Variants in CERKL observed in about 807,000 individuals in gnomAD.
CERKL encodes CERK like autophagy regulator.
CERKL carries 61 observed loss-of-function variants against 63.4 expected under a neutral mutation model. That is an observed-to-expected ratio of 0.96 (90% CI 0.78 to 1.19). CERKL has a LOEUF of 1.19. CERKL is among the 50% of genes most tolerant of loss of function. The pLI is 0.00. For synonymous variants in CERKL, 250 were observed against 230.5 expected (o/e 1.08, Z -0.77); for missense variants, 675 against 655.5 (o/e 1.03, Z -0.33).
chr2:181,652,171 CA>C (rs56712055), intron 1 of CERKL, among the ~76,000 whole-genome samples: 38,339 of 151,668 alleles, frequency 0.25, 6,872 homozygotes, highest in African/African-American at 0.51. Flanking sequence ...TGCAGAACCA[CA>C]AAAAAAACCC....
intron 1 of CERKL, among the ~76,000 whole-genome samples, chr2:181,616,248 C>CT (rs1381503415): frequency 2.4e-5 from 3 of 126,238 alleles, no homozygotes; most frequent in Non-Finnish European, 4.7e-5. Context: ...GAGTCTCACT[C>CT]TGTCACCCAG....
chr2:181,552,132 G>A (rs931923961), intron 5 of CERKL, among the ~76,000 whole-genome samples: 1 of 152,112 alleles, frequency 6.6e-6, no homozygotes, highest in African/African-American at 2.4e-5. Context: ...GTAAAATAGT[G>A]GTTACTGGGG....
intron 12 of CERKL, 29 bp from the exon 13 acceptor site, chr2:181,538,273 C>T: frequency 7.1e-7 from 1 of 1,416,112 alleles, no homozygotes; most frequent in African/African-American, 1.4e-5. Context: ...ATTTCATCAA[C>T]TTATTTTGTT....
chr2:181,638,314 G>A lies in CERKL; in HGVS notation c.238+18455C>T, dbSNP rs140315138. ...AAAGGAACCAGGACCCTCTGATGAT[G>A]AGCTTGATTCCATATCTCAAGCATG... On this transcript the variant is annotated intron_variant, in intron 1 of 12. Coordinates refer to ENST00000410087, the MANE Select transcript of CERKL (RefSeq NM_201548.5). Among the ~76,000 whole-genome samples, 21 of 152,164 alleles carry A rather than the reference G, an allele frequency of 1.4e-4. No individual in the cohort carries two copies. In the South Asian group the frequency reaches 2.3e-3, roughly 17 times the overall value.
At chr2:181,549,506 C>CA (rs1223930907) in intron 6 of CERKL, 128 bp downstream of exon 6, 1 of 745,368 alleles carries the variant, frequency 1.3e-6, no homozygotes, top group East Asian at 2.6e-5. Context: ...GTTTTTTAGT[C>CA]AAACATTTCT....
rs1355841594 is a variant in CERKL at position 181,619,097 on chromosome 2, C to T, written c.239-15018G>A. Among the ~76,000 whole-genome samples, 3 of 105,154 alleles carry T rather than the reference C, an allele frequency of 2.9e-5. No homozygotes were observed. In the East Asian group the frequency reaches 7.5e-4, roughly 26 times the overall value. 69.0% of individuals were successfully genotyped at this position (105,154 alleles called of 152,430 possible). A position where few individuals can be genotyped will look rare whatever the true frequency, so the allele number is the denominator to read the frequency against. On this transcript the variant is annotated intron_variant, in intron 1 of 12. Transcript: ENST00000410087. ...CAAGTTCATCATGCAATGTGATTGG[C>T]TTTCATCATTTTCATTCATTTCAAG...
At position 181,573,849 on chromosome 2, in the gene CERKL, G is replaced by A. The variant is rs766773742; in HGVS notation, c.517C>T (p.Leu173Phe). Residue 173 changes from leucine to phenylalanine, a missense_variant, in exon 3 of 13, where the codon CTT becomes TTT. Coordinates refer to ENST00000410087, the MANE Select transcript of CERKL (RefSeq NM_201548.5). Reference sequence around the variant, plus strand: ...TCTTTTTTGTGACTTTGGGGGTTAAGGAGTATTTTTAATGACTTCGGTCTG... The same window carrying A: ...TCTTTTTTGTGACTTTGGGGGTTAAAGAGTATTTTTAATGACTTCGGTCTG... Reference protein sequence around the residue: ...PNRPKSLKILLNPQSHKKEAT... With the variant: ...PNRPKSLKILFNPQSHKKEAT... The A allele has an allele frequency of 6.2e-7, 1 of 1,612,768 alleles. No individual in the cohort carries two copies. The highest frequency in any genetic ancestry group is 8.5e-7 in the Non-Finnish European group (1 of 1,179,308).
At chr2:181,630,178 G>A (rs1190599400) in intron 1 of CERKL, among the ~76,000 whole-genome samples, 3 of 152,020 alleles carry the variant, frequency 2.0e-5, no homozygotes, top group East Asian at 1.9e-4. Context: ...GGTGGGACTA[G>A]AGGTGAACGC....
chr2:181,569,920 T>C (rs1688832243), intron 3 of CERKL, among the ~76,000 whole-genome samples: 1 of 152,180 alleles, frequency 6.6e-6, no homozygotes, highest in African/African-American at 2.4e-5. Context: ...AGTTTATGCC[T>C]AGCACAAAGG....
At position 181,586,933 on chromosome 2, in the gene CERKL, A is replaced by G. The variant is rs116102787; in HGVS notation, c.482-13049T>C. Reference sequence around the variant, plus strand: ...TTGTGTATATTCACCACTATTTTACACAGAAAAGCAACCAAGTTGTTGCAA... The same window carrying G: ...TTGTGTATATTCACCACTATTTTACGCAGAAAAGCAACCAAGTTGTTGCAA... On this transcript the variant is annotated intron_variant, in intron 2 of 12. Transcript: ENST00000410087. Among the ~76,000 whole-genome samples the G allele has an allele frequency of 8.1e-3, 1,240 of 152,302 alleles. 20 individuals carry two copies. The highest frequency in any genetic ancestry group is 0.029 in the African/African-American group (1,197 of 41,574).
intron 11 of CERKL, among the ~76,000 whole-genome samples, chr2:181,540,307 AG>A (rs1687441892): frequency 1.3e-5 from 2 of 152,212 alleles, no homozygotes; most frequent in African/African-American, 4.8e-5. Context: ...TCATCCTTGT[AG>A]AATTATCTAC....
chr2:181,632,259 A>C (rs1249112558), intron 1 of CERKL, among the ~76,000 whole-genome samples: 1 of 152,122 alleles, frequency 6.6e-6, no homozygotes. Context: ...TTTTTTTCTC[A>C]TATAGAGGGA....
chr2:181,642,916 A>C (rs1687507678), intron 1 of CERKL, among the ~76,000 whole-genome samples: 1 of 152,142 alleles, frequency 6.6e-6, no homozygotes, highest in African/African-American at 2.4e-5. Context: ...CCTCCAGAAA[A>C]TGGTTTCTTC....
Position 181,558,829 on chromosome 2 carries a change from T to C in CERKL, c.678-121A>G, listed in dbSNP as rs1688317846. On this transcript the variant is annotated intron_variant, in intron 4 of 12. Coordinates refer to ENST00000410087, the MANE Select transcript of CERKL (RefSeq NM_201548.5). The surrounding 1 kb of genome is among the most constrained non-coding windows in gnomAD (Gnocchi z 4.2). ...GTCTATGTGCATAACTGCTCACATG[T>C]ACCTTTAAACATGTTAATATGTGTC... 6.3e-6 allele frequency: 6 copies of C among 947,762 alleles called. No individual in the cohort carries two copies. The South Asian group carries it at 8.3e-5, about 13-fold the overall frequency. The allele number at this position is 947,762 out of a possible 1,614,324, so 58.7% of individuals were successfully genotyped here. A position where few individuals can be genotyped will look rare whatever the true frequency, so the allele number is the denominator to read the frequency against.
At chr2:181,562,203 GA>G (rs1490392776) in intron 4 of CERKL, among the ~76,000 whole-genome samples, 1 of 152,056 alleles carries the variant, frequency 6.6e-6, no homozygotes, top group Non-Finnish European at 1.5e-5. Flanking sequence ...TCAACCAACT[GA>G]CAATCAGAAA....
chr2:181,549,614 T>C lies in CERKL; in HGVS notation c.895+20A>G. ...CAACATTTCCTTATAAAATATGAAC[T>C]GCTTTGGAAGAATTCTTACCCATTA... On this transcript the variant is annotated intron_variant, in intron 6 of 12. Coordinates refer to ENST00000410087, the MANE Select transcript of CERKL (RefSeq NM_201548.5). 2 of 1,553,506 alleles carry C rather than the reference T, an allele frequency of 1.3e-6. No homozygotes were observed. The highest frequency in any genetic ancestry group is 1.8e-6 in the Non-Finnish European group (2 of 1,125,066).
chr2:181,620,689 G>A (rs1487049515), intron 1 of CERKL, among the ~76,000 whole-genome samples: 1 of 152,076 alleles, frequency 6.6e-6, no homozygotes, highest in Non-Finnish European at 1.5e-5. Flanking sequence ...ACAGCCTCTA[G>A]GATACCTGAA....
At chr2:181,577,024 T>C in intron 2 of CERKL, among the ~76,000 whole-genome samples, 1 of 152,302 alleles carries the variant, frequency 6.6e-6, no homozygotes, top group South Asian at 2.1e-4. Context: ...ACATAGATTC[T>C]GGGCTCCAGC....
chr2:181,606,779 T>C (rs1362130133), intron 1 of CERKL, among the ~76,000 whole-genome samples: 1 of 152,102 alleles, frequency 6.6e-6, no homozygotes, highest in African/African-American at 2.4e-5. Flanking sequence ...TTCCTTCAGG[T>C]ATCAGAAAAT....
Sources: allele counts gnomAD v4.1 joint callset (sites outside exome capture counted in the v4.1 genomes callset), GRCh38; gene constraint gnomAD v4.1.1; non-coding constraint Gnocchi (gnomAD v3.1); transcripts MANE v1.5; gene names NCBI Gene and HGNC (gene_info 2026-07-23, HGNC 2026-07-21).